Variants in MTDH observed in about 807,000 individuals in gnomAD.
MTDH encodes the protein protein LYRIC.
MTDH carries 34 observed loss-of-function variants against 72.7 expected under a neutral mutation model. The observed-to-expected ratio is 0.47, with a 90% CI of 0.36 to 0.62. The LOEUF (loss-of-function observed/expected upper bound fraction) is 0.62, where lower values mean the gene tolerates loss of function less well. MTDH is among the 20% of genes least tolerant of loss of function. The pLI is 0.00. For synonymous variants in MTDH, 266 were observed against 268.9 expected (o/e 0.99, Z 0.10); for missense variants, 677 against 699.4 (o/e 0.97, Z 0.36).
chr8:97,711,912 A>G (rs1322066704), intron 8 of MTDH, among the ~76,000 whole-genome samples: 1 of 152,248 alleles, frequency 6.6e-6, no homozygotes, highest in African/African-American at 2.4e-5. Flanking sequence ...AAAACTGCAA[A>G]TAAGGGGGAA....
At chr8:97,664,769 T>C (rs1452538749) in intron 2 of MTDH, among the ~76,000 whole-genome samples, 1 of 152,098 alleles carries the variant, frequency 6.6e-6, no homozygotes, top group African/African-American at 2.4e-5. Flanking sequence ...TTTCTTTTTT[T>C]TCTTTCCTTT....
At chr8:97,706,478 T>A in intron 7 of MTDH, 148 bp from the exon 8 acceptor site, 1 of 572,808 alleles carries the variant, frequency 1.7e-6, no homozygotes, top group Non-Finnish European at 2.7e-6. Context: ...ACCTTCATGT[T>A]ATTTTTTTTT....
chr8:97,705,685 A>T (rs1214452754), intron 7 of MTDH, among the ~76,000 whole-genome samples: 20 of 152,350 alleles, frequency 1.3e-4, no homozygotes, highest in Non-Finnish European at 5.9e-5. Context: ...TCATTTAAGC[A>T]TTGTTGGGAC....
chr8:97,706,582 A>G (rs750863486), intron 7 of MTDH, 44 bp from the exon 8 acceptor site: 1 of 1,467,322 alleles, frequency 6.8e-7, no homozygotes, highest in South Asian at 1.4e-5. Flanking sequence ...CTTTTAATTT[A>G]TGGCAAAAAT....
At chr8:97,695,424 G>T (rs1051319259) in intron 6 of MTDH, among the ~76,000 whole-genome samples, 3 of 152,040 alleles carry the variant, frequency 2.0e-5, no homozygotes, top group African/African-American at 7.2e-5. Context: ...CAATTTACTT[G>T]TAAAAGTTAT....
chr8:97,687,812 C>G (rs1333674641), intron 4 of MTDH, among the ~76,000 whole-genome samples: 1 of 152,138 alleles, frequency 6.6e-6, no homozygotes, highest in Admixed American at 6.6e-5. Context: ...AATGACTGGC[C>G]TATTAAATTA....
chr8:97,724,669 G>A lies in MTDH; in HGVS notation c.1748G>A (p.Ter583=), dbSNP rs1815287136. 6.3e-7 allele frequency: 1 copy of A among 1,592,056 alleles called. No homozygotes were observed. Residue 583 remains the stop codon, a stop_retained_variant, in exon 12 of 12, where the codon TGA becomes TAA. Coordinates refer to ENST00000336273, the MANE Select transcript of MTDH (RefSeq NM_178812.4). ...KKKKKARRET[*] ...AAGAAAAAAGCCAGACGAGAAACGT[G>A]AAATTTTTTTTCCTGAATTGGACAT...
intron 1 of MTDH, among the ~76,000 whole-genome samples, chr8:97,647,564 T>A (rs1481057687): frequency 6.6e-6 from 1 of 151,948 alleles, no homozygotes; most frequent in Admixed American, 6.6e-5. Flanking sequence ...AAGAGCAAGA[T>A]AATGTGAGAG....
chr8:97,724,573 C>T (rs1411829840), intron 11 of MTDH, 27 bp from the exon 12 acceptor site: 4 of 1,534,484 alleles, frequency 2.6e-6, no homozygotes, highest in African/African-American at 1.4e-5. Context: ...TAATTTTTTT[C>T]TTCGTTTTCC....
chr8:97,661,035 C>T (rs773943461), intron 1 of MTDH, 37 bp from the exon 2 acceptor site: 1 of 1,511,020 alleles, frequency 6.6e-7, no homozygotes, highest in Non-Finnish European at 9.2e-7. Flanking sequence ...ATCTGCTAAG[C>T]AGTTTGATAA....
At chr8:97,654,840 C>A (rs1354541264) in intron 1 of MTDH, among the ~76,000 whole-genome samples, 1 of 152,168 alleles carries the variant, frequency 6.6e-6, no homozygotes, top group Admixed American at 6.5e-5. Context: ...TTGCTCACAC[C>A]TGTAATCTCA....
chr8:97,707,449 C>CTTTTTTTTT (rs35528230), intron 8 of MTDH, among the ~76,000 whole-genome samples: 4 of 80,214 alleles, frequency 5.0e-5, no homozygotes, highest in African/African-American at 1.3e-4. Flanking sequence ...CATGCCTGGC[C>CTTTTTTTTT]TTTTTTTTTT....
At chr8:97,685,168 G>C (rs1197536945) in intron 2 of MTDH, among the ~76,000 whole-genome samples, 1 of 151,976 alleles carries the variant, frequency 6.6e-6, no homozygotes, top group Non-Finnish European at 1.5e-5. Context: ...ATGGTATGTG[G>C]ATATCTCCAC....
chr8:97,665,865 G>C (rs1023443942), intron 2 of MTDH, among the ~76,000 whole-genome samples: 22 of 152,150 alleles, frequency 1.4e-4, no homozygotes, highest in African/African-American at 4.8e-4. Flanking sequence ...GGTGGCTCAC[G>C]CCTGTAATCC....
intron 4 of MTDH, among the ~76,000 whole-genome samples, chr8:97,688,298 C>T (rs1046437538): frequency 1.2e-4 from 19 of 152,132 alleles, no homozygotes; most frequent in Non-Finnish European, 1.5e-5. Flanking sequence ...CTTCCCACCT[C>T]CCCACACCTC....
At chr8:97,677,222 A>C (rs1812890034) in intron 2 of MTDH, among the ~76,000 whole-genome samples, 1 of 115,666 alleles carries the variant, frequency 8.6e-6, no homozygotes, top group Non-Finnish European at 1.7e-5. Context: ...GGCCGGGCGC[A>C]GTGGCTCATG....
At chr8:97,707,754 A>G (rs1814424835) in intron 8 of MTDH, among the ~76,000 whole-genome samples, 1 of 151,954 alleles carries the variant, frequency 6.6e-6, no homozygotes, top group Non-Finnish European at 1.5e-5. Context: ...TAAACTAAAA[A>G]GTTAAACATA....
chr8:97,656,820 C>T (rs1041970400), intron 1 of MTDH, among the ~76,000 whole-genome samples: 1 of 151,272 alleles, frequency 6.6e-6, no homozygotes, highest in South Asian at 2.1e-4. Flanking sequence ...GGCAGCATAG[C>T]GGAACCCGCT....
chr8:97,727,793 G>A lies in MTDH; in HGVS notation c.*3123G>A, dbSNP rs1815416209. 6.6e-6 allele frequency: 1 copy of A among 152,160 alleles called. No individual in the cohort carries two copies. Among genetic ancestry groups the A allele is most frequent in the African/African-American group, 2.4e-5 (1 of 41,432 alleles). 9.4% of individuals were successfully genotyped at this position (152,160 alleles called of 1,614,324 possible). ...GAAAATTCTTCCCTACTCTGAGGCA[G>A]GGTGTAGTGGTTTAGGGGTTTCTCC... On this transcript the variant is annotated 3_prime_UTR_variant, in exon 12 of 12. Coordinates refer to ENST00000336273, the MANE Select transcript of MTDH (RefSeq NM_178812.4).
Sources: gnomAD v4.1 joint callset for allele counts (sites outside exome capture counted in the v4.1 genomes callset) on GRCh38, gnomAD v4.1.1 for gene constraint, MANE v1.5 for transcripts, NCBI Gene and HGNC (gene_info 2026-07-23, HGNC 2026-07-21) for gene names.